The following FBN1 variants were observed in gnomAD, a reference collection of about 807,000 sequenced individuals.
FBN1 encodes fibrillin 1, also known as fibrillin-1.
Under a neutral mutation model 365.1 loss-of-function variants are expected in FBN1, and 29 were observed. That is an observed-to-expected ratio of 0.08 (90% CI 0.06 to 0.11). The LOEUF (loss-of-function observed/expected upper bound fraction) is 0.11. Ranked by LOEUF, FBN1 falls within the 10% of genes least tolerant of loss-of-function variation. The probability of loss-of-function intolerance (pLI) is 1.00; values close to 1 mark genes in which losing one functional copy is unlikely to be tolerated. For synonymous variants in FBN1, 1,210 were observed against 1,270.5 expected (o/e 0.95, Z 1.01); for missense variants, 2,476 against 3,703.2 (o/e 0.67, Z 8.60).
rs190587063 is a variant in FBN1 at position 48,453,853 on chromosome 15, A to G, written c.5423-1169T>C. Among the ~76,000 whole-genome samples, 569 of 152,244 alleles carry G rather than the reference A, an allele frequency of 3.7e-3. 6 individuals carry two copies. The highest frequency in any genetic ancestry group is 0.013 in the African/African-American group (545 of 41,548). ...TCTATTAAAAAAAAAAGAAAGAAAG[A>G]AAGGAAGACCGAAAGTCCATTATCT... On this transcript the variant is annotated intron_variant, in intron 44 of 65. Coordinates refer to ENST00000316623, the MANE Select transcript of FBN1 (RefSeq NM_000138.5).
At chr15:48,433,052 T>A in intron 54 of FBN1, 64 bp from the exon 55 acceptor site, 1 of 1,588,878 alleles carries the variant, frequency 6.3e-7, no homozygotes, top group Non-Finnish European at 8.6e-7. Context: ...ACCTACCAAT[T>A]GAACTAAAAC....
chr15:48,423,367 C>T (rs919990545), intron 60 of FBN1, among the ~76,000 whole-genome samples: 4 of 152,172 alleles, frequency 2.6e-5, no homozygotes, highest in Admixed American at 6.5e-5. Flanking sequence ...GAGACCCTCC[C>T]GAGACCTGTC....
intron 59 of FBN1, 100 bp downstream of exon 59, chr15:48,425,639 T>A: frequency 1.3e-6 from 2 of 1,551,536 alleles, no homozygotes; most frequent in South Asian, 2.3e-5. Context: ...TGCTTTCCTA[T>A]GAAACTGCAC....
chr15:48,494,577 T>G (rs959715032), intron 22 of FBN1, among the ~76,000 whole-genome samples: 2 of 152,208 alleles, frequency 1.3e-5, no homozygotes, highest in African/African-American at 4.8e-5. Context: ...AAAATAGGAA[T>G]CACACTATAG....
chr15:48,518,463 G>A (rs1198806486), intron 10 of FBN1, among the ~76,000 whole-genome samples: 3 of 152,092 alleles, frequency 2.0e-5, no homozygotes, highest in African/African-American at 4.8e-5. Context: ...GTACCAATTC[G>A]GCCTTTCTTT....
chr15:48,417,652 T>C (rs890768160), intron 63 of FBN1, among the ~76,000 whole-genome samples: 1 of 152,192 alleles, frequency 6.6e-6, no homozygotes, highest in Non-Finnish European at 1.5e-5. Flanking sequence ...ATTTTATCTT[T>C]CTCATTCTTC....
Position 48,492,452 on chromosome 15 carries a change from A to C in FBN1, c.2854+9T>G, listed in dbSNP as rs946673413. 15 of 1,611,918 alleles carry C rather than the reference A, an allele frequency of 9.3e-6. No homozygotes were observed. The highest frequency in any genetic ancestry group is 1.3e-5 in the African/African-American group (1 of 74,888). On this transcript the variant is annotated intron_variant, in intron 24 of 65. Transcript: ENST00000316623. ...TTATTATTAGAAAAATAATGAGCTC[A>C]GTATTTACCAAGACAGATCCTTCCT... is the stretch of plus-strand genomic sequence containing the variant.
intron 13 of FBN1, among the ~76,000 whole-genome samples, chr15:48,511,018 G>A (rs2043754555): frequency 6.6e-6 from 1 of 152,168 alleles, no homozygotes; most frequent in Non-Finnish European, 1.5e-5. Context: ...CACTTCCAGG[G>A]CTTATTCCCA....
In FBN1 at chr15:48,508,754, G is replaced by A. The variant is rs1013162669; in HGVS notation, c.1715-50C>T. The A allele has an allele frequency of 6.2e-6, 10 of 1,603,168 alleles. No homozygotes were observed. In the African/African-American group the frequency reaches 6.7e-5, roughly 11 times the overall value. On this transcript the variant is annotated intron_variant, in intron 14 of 65. Transcript: ENST00000316623. Reference sequence around the variant, plus strand: ...CTTATGACCAGAAGAGTAAGCTTACGAAGGAAACCAATCTGGATGAAAATA... The same window carrying A: ...CTTATGACCAGAAGAGTAAGCTTACAAAGGAAACCAATCTGGATGAAAATA...
rs575916041 is a variant in FBN1, at chr15:48,562,933, T to C, written c.539-25125A>G. On this transcript the variant is annotated intron_variant, in intron 6 of 65. Coordinates refer to ENST00000316623, the MANE Select transcript of FBN1 (RefSeq NM_000138.5). ...TTAGTCTTTTATTTAAATGAAGAGA[T>C]TGTACCAAAAGAAGATGTTTTTATC... is the stretch of plus-strand genomic sequence containing the variant. 7.9e-5 allele frequency among the ~76,000 whole-genome samples: 12 copies of C among 152,328 alleles called. No homozygotes were observed. In the South Asian group the frequency reaches 2.5e-3, roughly 32 times the overall value.
chr15:48,415,747 C>G lies in FBN1; in HGVS notation c.7840G>C (p.Ala2614Pro), dbSNP rs1280320763. The G allele has an allele frequency of 1.2e-6, 2 of 1,614,068 alleles. No homozygotes were observed. Among genetic ancestry groups the G allele is most frequent in the Admixed American group, 3.3e-5 (2 of 60,026 alleles). Residue 2614 changes from alanine (A) to proline (P), a missense_variant, in exon 64 of 66, where the codon GCT becomes CCT. Ala to Pro is a conservative substitution (Grantham distance 27). This residue lies in a region of FBN1 where 1,780 missense variants were observed against 2,840.8 expected (regional missense o/e 0.63). Coordinates refer to ENST00000316623, the MANE Select transcript of FBN1 (RefSeq NM_000138.5). ...CAGGAGGCTCCTCCGCAGATGTGAG[C>G]GCTGAGGCATTCGTTTTCATCTGCA... ...QCVDENECLSAHICGGASCHN... is the reference protein window; with the variant it reads ...QCVDENECLSPHICGGASCHN...
intron 47 of FBN1, among the ~76,000 whole-genome samples, chr15:48,446,494 G>A (rs1035815734): frequency 6.6e-6 from 1 of 152,112 alleles, no homozygotes; most frequent in African/African-American, 2.4e-5. Context: ...CATCTGCTGG[G>A]GGTCTCAGAA....
intron 35 of FBN1, among the ~76,000 whole-genome samples, chr15:48,471,579 C>A (rs1303956481): frequency 6.6e-6 from 1 of 152,094 alleles, no homozygotes; most frequent in Non-Finnish European, 1.5e-5. Flanking sequence ...TCAAACTCTG[C>A]ATATTTAATA....
At chr15:48,634,201 T>C (rs1413185151) in intron 2 of FBN1, among the ~76,000 whole-genome samples, 1 of 152,174 alleles carries the variant, frequency 6.6e-6, no homozygotes, top group African/African-American at 2.4e-5. Flanking sequence ...CAATAAACCA[T>C]TAGTTACAAG....
chr15:48,494,074 T>G (rs2043582551), intron 23 of FBN1, 130 bp downstream of exon 23: 1 of 743,562 alleles, frequency 1.3e-6, no homozygotes. Context: ...CGTTTTGTAG[T>G]TCTCATTATT....
intron 13 of FBN1, among the ~76,000 whole-genome samples, chr15:48,511,751 G>C (rs1156999785): frequency 1.3e-5 from 2 of 152,190 alleles, no homozygotes; most frequent in African/African-American, 4.8e-5. Context: ...AGCTCTTAAA[G>C]AAGGCAGTGC....
At chr15:48,607,702 C>G (rs1376596804) in intron 4 of FBN1, among the ~76,000 whole-genome samples, 1 of 151,978 alleles carries the variant, frequency 6.6e-6, no homozygotes, top group African/African-American at 2.4e-5. Context: ...TATAAATGAC[C>G]CAGTCTACAG....
At chr15:48,565,939 G>A (rs935608664) in intron 6 of FBN1, among the ~76,000 whole-genome samples, 1 of 152,152 alleles carries the variant, frequency 6.6e-6, no homozygotes, top group Non-Finnish European at 1.5e-5. Context: ...GAGCAGCTGA[G>A]TATTTTAAAT....
intron 6 of FBN1, among the ~76,000 whole-genome samples, chr15:48,543,305 C>G (rs932789791): frequency 2.0e-5 from 3 of 152,120 alleles, no homozygotes; most frequent in Non-Finnish European, 4.4e-5. Flanking sequence ...ACTGCTGCAG[C>G]TTGTATCTGA....
Sources: gnomAD v4.1 joint callset for allele counts (sites outside exome capture counted in the v4.1 genomes callset) on GRCh38, gnomAD v4.1.1 for gene constraint, gnomAD v4.1.1 regional missense constraint, MANE v1.5 for transcripts, NCBI Gene and HGNC (gene_info 2026-07-23, HGNC 2026-07-21) for gene names.